ALG8: variants seen among roughly 807,000 people sequenced by gnomAD.
ALG8 encodes dolichyl pyrophosphate Glc1Man9GlcNAc2 alpha-1,3-glucosyltransferase.
Under a neutral mutation model 70.2 loss-of-function variants are expected in ALG8, and 48 were observed. The observed-to-expected ratio is 0.68, with a 90% CI of 0.54 to 0.87. The LOEUF (loss-of-function observed/expected upper bound fraction) is 0.87, where lower values mean the gene tolerates loss of function less well. Ranked by LOEUF, ALG8 falls within the 40% of genes least tolerant of loss-of-function variation. The pLI is 0.00. For synonymous variants in ALG8, 234 were observed against 229.0 expected, an observed-to-expected ratio of 1.02 and a Z score of -0.20; for missense variants, 572 against 608.7, an observed-to-expected ratio of 0.94 and a Z score of 0.64.
At position 78,114,016 on chromosome 11, in the gene ALG8, C is replaced by A. The variant is rs11237397; in HGVS notation, c.674-27G>T. ...TACAGAAAAGGAACATTATCAGTAA[C>A]CAGGAAGATGGAAAGGAACATTAAC... On this transcript the variant is annotated intron_variant, in intron 6 of 12. Transcript: ENST00000299626. 27,611 of 1,563,836 alleles carry A rather than the reference C, an allele frequency of 0.018. 329 individuals are homozygous for A. Among genetic ancestry groups the A allele is most frequent in the Non-Finnish European group, 0.02 (23,340 of 1,146,160 alleles).
Position 78,106,823 on chromosome 11 carries a change from C to T in ALG8, c.1162G>A (p.Ala388Thr). The change falls in exon 10 of 13, where the codon GCA becomes ACA. Residue 388 changes from alanine (A) to threonine (T), a missense_variant. Ala to Thr is a moderately conservative substitution (Grantham distance 58). Transcript: ENST00000299626. ...TCTGCTTACCTCATTGGGAGAATTG[C>T]TAGAAGTATGGCTTTTTCATGAACA... ...WHVHEKAILL[A>T]ILPMSLLSVG... The T allele has an allele frequency of 6.2e-7, 1 of 1,614,034 alleles. No individual in the cohort carries two copies. Among genetic ancestry groups the T allele is most frequent in the South Asian group, 1.1e-5 (1 of 91,088 alleles).
chr11:78,112,808 C>T (rs528574634), intron 7 of ALG8, 38 bp from the exon 8 acceptor site: 1 of 1,606,034 alleles, frequency 6.2e-7, no homozygotes, highest in East Asian at 2.2e-5. Flanking sequence ...AAACAGTCAT[C>T]AATCTTTTTC....
At chr11:78,124,235 C>T (rs1860963464) in intron 2 of ALG8, 21 bp from the exon 3 acceptor site, 2 of 1,607,080 alleles carry the variant, frequency 1.2e-6, no homozygotes, top group South Asian at 1.1e-5. Context: ...AATAGAAGAT[C>T]AGACATATCC....
At position 78,129,147 on chromosome 11, in the gene ALG8, G is replaced by A. The variant is rs145856364; in HGVS notation, c.96-1711C>T. Among the ~76,000 whole-genome samples the A allele has an allele frequency of 3.6e-3, 551 of 152,004 alleles. 4 individuals carry two copies. Among genetic ancestry groups the A allele is most frequent in the African/African-American group, 0.013 (520 of 41,470 alleles). ...AAGAATGTGCAAAGTGGGGCCGGGC[G>A]CGGTGGCTCACACCTGTAATTCCAG... On this transcript the variant is annotated intron_variant, in intron 1 of 12. Transcript: ENST00000299626.
At chr11:78,103,869 G>T in intron 12 of ALG8, 111 bp downstream of exon 12, 1 of 595,016 alleles carries the variant, frequency 1.7e-6, no homozygotes, top group Admixed American at 3.3e-5. Flanking sequence ...TTTTTGTAAT[G>T]TTGTCATATT....
chr11:78,106,273 C>G (rs1334922336), intron 10 of ALG8, among the ~76,000 whole-genome samples: 1 of 151,994 alleles, frequency 6.6e-6, no homozygotes, highest in African/African-American at 2.4e-5. Context: ...TCTCGGCTCA[C>G]TGCAACCTCT....
At position 78,104,615 on chromosome 11, in the gene ALG8, G is replaced by C. The variant is rs147006837; in HGVS notation, c.1179-162C>G. The C allele has an allele frequency of 3.3e-3, 2,127 of 639,318 alleles. 8 individuals are homozygous for C. The highest frequency in any genetic ancestry group is 4.9e-3 in the Non-Finnish European group (1,817 of 374,552). 39.6% of individuals were successfully genotyped at this position (639,318 alleles called of 1,614,324 possible). Reference sequence around the variant, plus strand: ...GTTGAGAATATTAATTTTTTAGTAGGAAATTTTAAGCAATCAATAGCATGT... The same window carrying C: ...GTTGAGAATATTAATTTTTTAGTAGCAAATTTTAAGCAATCAATAGCATGT... On this transcript the variant is annotated intron_variant, in intron 10 of 12. Transcript: ENST00000299626.
At position 78,107,334 on chromosome 11, in the gene ALG8, C is replaced by T. The variant is rs147636928; in HGVS notation, c.1039-388G>A. ...CTCCTGGGTTCAAGCGATTTTCCTGCCTCAACCTCCCAAGTAGCTGGGATT... is the reference window on the plus strand; with the variant it reads ...CTCCTGGGTTCAAGCGATTTTCCTGTCTCAACCTCCCAAGTAGCTGGGATT... On this transcript the variant is annotated intron_variant, in intron 9 of 12. Coordinates refer to ENST00000299626, the MANE Select transcript of ALG8 (RefSeq NM_024079.5). Among the ~76,000 whole-genome samples, 1,311 of 148,700 alleles carry T rather than the reference C, an allele frequency of 8.8e-3. 9 individuals carry two copies. The highest frequency in any genetic ancestry group is 0.015 in the Non-Finnish European group (982 of 67,080).
intron 3 of ALG8, among the ~76,000 whole-genome samples, chr11:78,123,061 A>T (rs1450034227): frequency 1.3e-5 from 2 of 152,106 alleles, no homozygotes; most frequent in Non-Finnish European, 2.9e-5. Flanking sequence ...TAATCCCAGC[A>T]CTTTGGGAGG....
In ALG8 at chr11:78,105,921, C is replaced by T. The variant is rs574171320; in HGVS notation, c.1178+886G>A. Reference sequence around the variant, plus strand: ...ATGGGATTTTGCCATGTTGGCCAGGCTGATCTCAAACTCCTGGCATCAAGT... The same window carrying T: ...ATGGGATTTTGCCATGTTGGCCAGGTTGATCTCAAACTCCTGGCATCAAGT... On this transcript the variant is annotated intron_variant, in intron 10 of 12. Coordinates refer to ENST00000299626, the MANE Select transcript of ALG8 (RefSeq NM_024079.5). Among the ~76,000 whole-genome samples, 11 of 152,016 alleles carry T rather than the reference C, an allele frequency of 7.2e-5. No homozygotes were observed. The South Asian group carries it at 2.3e-3, about 32-fold the overall frequency.
intron 9 of ALG8, 48 bp downstream of exon 9, chr11:78,109,394 A>G (rs1860181425): frequency 6.2e-7 from 1 of 1,612,604 alleles, no homozygotes; most frequent in Non-Finnish European, 8.5e-7. Context: ...CAGACAAAAG[A>G]AAAGCAGAGA....
chr11:78,130,367 A>AAAAAAAAAAAG lies in ALG8; in HGVS notation c.96-2932_96-2931insCTTTTTTTTTT, dbSNP rs11275338. Among the ~76,000 whole-genome samples the AAAAAAAAAAAG allele has an allele frequency of 6.6e-5, 10 of 150,588 alleles. No homozygotes were observed. The South Asian group carries it at 1.5e-3, about 22-fold the overall frequency. On this transcript the variant is annotated intron_variant, in intron 1 of 12. Transcript: ENST00000299626. ...CGGTCTCAAAAAAAAAAAAAAAAAAAGGTGAGAATATCAATACCTTTAGTG... is the reference window on the plus strand; with the variant it reads ...CGGTCTCAAAAAAAAAAAAAAAAAAAAAAAAAAAAAGGGTGAGAATATCAATACCTTTAGTG...
chr11:78,129,044 G>A (rs573935513), intron 1 of ALG8, among the ~76,000 whole-genome samples: 1 of 152,214 alleles, frequency 6.6e-6, no homozygotes, highest in East Asian at 1.9e-4. Context: ...GAACTGAATT[G>A]ATGACCCATC....
intron 9 of ALG8, chr11:78,107,712 C>G: frequency 4.3e-6 from 1 of 230,662 alleles, no homozygotes; most frequent in South Asian, 4.8e-5. Context: ...CGTGGTGGTA[C>G]ATACCTGTAT....
At chr11:78,122,494 A>G (rs1860866596) in intron 3 of ALG8, among the ~76,000 whole-genome samples, 1 of 152,104 alleles carries the variant, frequency 6.6e-6, no homozygotes, top group African/African-American at 2.4e-5. Flanking sequence ...GTCCCCGGCA[A>G]CCACAGCTGG....
intron 2 of ALG8, among the ~76,000 whole-genome samples, chr11:78,124,919 T>A (rs1247627011): frequency 6.6e-6 from 1 of 152,168 alleles, no homozygotes; most frequent in Non-Finnish European, 1.5e-5. Flanking sequence ...TTGCTTGGGA[T>A]AAAATAACCA....
chr11:78,104,569 T>C (rs1859936131), intron 10 of ALG8, 116 bp from the exon 11 acceptor site: 1 of 948,496 alleles, frequency 1.1e-6, no homozygotes. Context: ...AACATGCTGA[T>C]TTTGGCACAA....
Position 78,106,799 on chromosome 11 carries a change from C to A in ALG8, c.1178+8G>T, listed in dbSNP as rs977617976. 1.6e-5 allele frequency: 26 copies of A among 1,613,788 alleles called. No individual in the cohort carries two copies. ...CCAAAATGCTCACTGGCTGAGCTAT[C>A]TGCTTACCTCATTGGGAGAATTGCT... On this transcript the variant is annotated splice_region_variant and intron_variant, in intron 10 of 12. Coordinates refer to ENST00000299626, the MANE Select transcript of ALG8 (RefSeq NM_024079.5).
chr11:78,120,717 ACT>A (rs1429573104), intron 4 of ALG8, among the ~76,000 whole-genome samples: 2 of 152,208 alleles, frequency 1.3e-5, no homozygotes, highest in Non-Finnish European at 2.9e-5. Flanking sequence ...CCACACGCAC[ACT>A]GTGATATGCC....
Sources: allele counts gnomAD v4.1 joint callset (sites outside exome capture counted in the v4.1 genomes callset), GRCh38; gene constraint gnomAD v4.1.1; transcripts MANE v1.5; gene names NCBI Gene and HGNC (gene_info 2026-07-23, HGNC 2026-07-21).